IRS1: variants seen among roughly 807,000 people sequenced by gnomAD.
The protein encoded by IRS1 is insulin receptor substrate 1.
A neutral mutation model predicts 65.6 loss-of-function variants in IRS1; 34 were observed. The observed-to-expected ratio is 0.52, with a 90% CI of 0.39 to 0.69. The LOEUF (loss-of-function observed/expected upper bound fraction) is 0.69, where lower values mean the gene tolerates loss of function less well. Ranked by LOEUF, IRS1 falls within the 30% of genes least tolerant of loss-of-function variation. The pLI is 0.00. For synonymous variants in IRS1, 699 were observed against 683.5 expected (o/e 1.02, Z -0.35); for missense variants, 1,641 against 1,720.2 (o/e 0.95, Z 0.81).
At chr2:226,738,725 A>G (rs1238003300) in intron 1 of IRS1, among the ~76,000 whole-genome samples, 4 of 152,354 alleles carry the variant, frequency 2.6e-5, no homozygotes, top group East Asian at 3.9e-4. Flanking sequence ...TCCTGAATGC[A>G]TATAGGAATG....
At chr2:226,745,089 T>C (rs1938512839) in intron 1 of IRS1, among the ~76,000 whole-genome samples, 2 of 152,230 alleles carry the variant, frequency 1.3e-5, no homozygotes, top group African/African-American at 2.4e-5. Flanking sequence ...ATATCTGTTA[T>C]GGAAATGCAA....
At chr2:226,741,119 T>A (rs1251328380) in intron 1 of IRS1, among the ~76,000 whole-genome samples, 2 of 152,228 alleles carry the variant, frequency 1.3e-5, no homozygotes, top group Non-Finnish European at 2.9e-5. Flanking sequence ...CAGCTGTGGT[T>A]GTAATTTCAC....
In IRS1 at chr2:226,784,568, G is replaced by A. The variant is rs544067390; in HGVS notation, c.*21+10421C>T. 2.2e-4 allele frequency among the ~76,000 whole-genome samples: 34 copies of A among 152,008 alleles called. No homozygotes were observed. In the East Asian group the frequency reaches 4.5e-3, roughly 20 times the overall value. On this transcript the variant is annotated intron_variant, in intron 1 of 1. Coordinates refer to ENST00000305123, the MANE Select transcript of IRS1 (RefSeq NM_005544.3). ...CTCCCGAGTAGCTGGGATTACAGGCGCCTGCCACCACGTGCAGCTAATTTT... is the reference window on the plus strand; with the variant it reads ...CTCCCGAGTAGCTGGGATTACAGGCACCTGCCACCACGTGCAGCTAATTTT...
chr2:226,793,306 A>G (rs997310613), intron 1 of IRS1, among the ~76,000 whole-genome samples: 6 of 152,182 alleles, frequency 3.9e-5, no homozygotes, highest in African/African-American at 1.4e-4. Flanking sequence ...TTTTCTTCAA[A>G]TTCTCATTAT....
At chr2:226,767,169 A>G (rs1574651387) in intron 1 of IRS1, among the ~76,000 whole-genome samples, 1 of 152,220 alleles carries the variant, frequency 6.6e-6, no homozygotes, top group Non-Finnish European at 1.5e-5. Context: ...AGGAAGATTA[A>G]AGGATTAAAA....
rs1939782112 is a variant in IRS1 at position 226,797,971 on chromosome 2, G to A, written c.768C>T (p.Ala256=). ...AQNMHETILE[A]MRAMSDEFRP... ...GGAACTCATCACTCATGGCCCGCAT[G>A]GCCTCCAGGATGGTCTCGTGCATGT... The change falls in exon 1 of 2, where the codon GCC becomes GCT. Residue 256 remains alanine (A), a synonymous_variant. Transcript: ENST00000305123. The surrounding 1 kb of genome is among the most constrained non-coding windows in gnomAD (Gnocchi z 8.1). The A allele has an allele frequency of 1.2e-6, 2 of 1,613,980 alleles. No individual in the cohort carries two copies. Among genetic ancestry groups the A allele is most frequent in the South Asian group, 2.2e-5 (2 of 91,076 alleles).
chr2:226,779,027 ATTCAAGAAC>A (rs1475081849), intron 1 of IRS1, among the ~76,000 whole-genome samples: 1 of 152,208 alleles, frequency 6.6e-6, no homozygotes, highest in Non-Finnish European at 1.5e-5. Flanking sequence ...CACAGTTGTA[ATTCAAGAAC>A]TTAGGAGTAT....
chr2:226,793,889 A>G (rs1559158213), intron 1 of IRS1, among the ~76,000 whole-genome samples: 1 of 152,196 alleles, frequency 6.6e-6, no homozygotes, highest in African/African-American at 2.4e-5. Flanking sequence ...CTAATTTCCT[A>G]TTACAAATGT....
At chr2:226,758,366 T>C (rs1228664902) in intron 1 of IRS1, among the ~76,000 whole-genome samples, 1 of 152,164 alleles carries the variant, frequency 6.6e-6, no homozygotes, top group Non-Finnish European at 1.5e-5. Flanking sequence ...AAACACGTGA[T>C]GAGTAAGTCT....
intron 1 of IRS1, among the ~76,000 whole-genome samples, chr2:226,789,910 A>G (rs1277613498): frequency 6.6e-6 from 1 of 152,186 alleles, no homozygotes; most frequent in Non-Finnish European, 1.5e-5. Flanking sequence ...TGAAGCAAGA[A>G]AAGTTAATGT....
At chr2:226,763,383 T>C (rs1187389750) in intron 1 of IRS1, among the ~76,000 whole-genome samples, 1 of 152,214 alleles carries the variant, frequency 6.6e-6, no homozygotes, top group Non-Finnish European at 1.5e-5. Context: ...GGAAGACTAC[T>C]GTCCACATTT....
Position 226,795,336 on chromosome 2 carries a change from T to C in IRS1, c.3403A>G (p.Ser1135Gly), listed in dbSNP as rs1169352941. ...GAGCTGTGGCGTTTCACATCCTCGC[T>C]GCTGCTGCTGCTACCGCCACCGCCC... ...VGGGGGSSSS[S>G]EDVKRHSSAS... The change falls in exon 1 of 2, where the codon AGC becomes GGC. Residue 1135 changes from serine to glycine, a missense_variant. Transcript: ENST00000305123. 1 of 1,611,832 alleles carries C rather than the reference T, an allele frequency of 6.2e-7. No homozygotes were observed. The highest frequency in any genetic ancestry group is 8.5e-7 in the Non-Finnish European group (1 of 1,179,246).
intron 1 of IRS1, among the ~76,000 whole-genome samples, chr2:226,789,972 G>C (rs956134255): frequency 6.6e-6 from 1 of 152,168 alleles, no homozygotes; most frequent in African/African-American, 2.4e-5. Flanking sequence ...TGTCCATAAA[G>C]AATGTCTGAT....
rs1574666152 is a variant in IRS1, at chr2:226,797,281, A to G, written c.1458T>C (p.Ser486=). 1 of 1,613,498 alleles carries G rather than the reference A, an allele frequency of 6.2e-7. No homozygotes were observed. Among genetic ancestry groups the G allele is most frequent in the Non-Finnish European group, 8.5e-7 (1 of 1,179,972 alleles). The stretch of plus-strand genomic sequence containing the variant: ...TGCAGCGGTGGCCATTGCCACCCCG[A>G]GACAAAATGTAGTGACCGTTGGGGG... The part of the protein sequence containing the change: ...LTAPNGHYIL[S]RGGNGHRCTP... The change falls in exon 1 of 2, where the codon TCT becomes TCC. Residue 486 remains serine (S), a synonymous_variant. Transcript: ENST00000305123. This position sits in a 1 kb window ranked among gnomAD's most constrained non-coding sequence, Gnocchi z 8.1.
At chr2:226,759,941 G>A (rs1450222682) in intron 1 of IRS1, among the ~76,000 whole-genome samples, 4 of 152,180 alleles carry the variant, frequency 2.6e-5, no homozygotes, top group Non-Finnish European at 5.9e-5. Flanking sequence ...TTGGGAGTGC[G>A]AGGCAGGCAG....
At position 226,794,200 on chromosome 2, in the gene IRS1, T is replaced by TC. The variant is rs1413611753; in HGVS notation, c.*21+788dup. Among the ~76,000 whole-genome samples, 1 of 152,188 alleles carries TC rather than the reference T, an allele frequency of 6.6e-6. No individual in the cohort carries two copies. The highest frequency in any genetic ancestry group is 1.9e-4 in the East Asian group (1 of 5,200). ...ATAAGGCAGACATCCTAGGATGAACTCCCATAACTCTTAATAATGGGTCCC... is the reference window on the plus strand; with the variant it reads ...ATAAGGCAGACATCCTAGGATGAACTCCCCATAACTCTTAATAATGGGTCCC... On this transcript the variant is annotated intron_variant, in intron 1 of 1. Coordinates refer to ENST00000305123, the MANE Select transcript of IRS1 (RefSeq NM_005544.3). This position sits in a 1 kb window ranked among gnomAD's most constrained non-coding sequence, Gnocchi z 4.1.
intron 1 of IRS1, among the ~76,000 whole-genome samples, chr2:226,765,627 A>G (rs1291514373): frequency 6.6e-6 from 1 of 152,084 alleles, no homozygotes; most frequent in East Asian, 1.9e-4. Flanking sequence ...CCACCTGCCT[A>G]CTCAACAGCT....
intron 1 of IRS1, among the ~76,000 whole-genome samples, chr2:226,757,758 T>C (rs1172954517): frequency 6.6e-6 from 1 of 152,224 alleles, no homozygotes; most frequent in African/African-American, 2.4e-5. Context: ...TGAGAAATAC[T>C]GCATTAAAAT....
intron 1 of IRS1, among the ~76,000 whole-genome samples, chr2:226,783,215 T>C (rs1194982980): frequency 6.6e-6 from 1 of 152,196 alleles, no homozygotes; most frequent in Non-Finnish European, 1.5e-5. Context: ...GATCTAACTC[T>C]TAAAAAGATG....
Sources: allele counts gnomAD v4.1 joint callset (sites outside exome capture counted in the v4.1 genomes callset), GRCh38; gene constraint gnomAD v4.1.1; non-coding constraint Gnocchi (gnomAD v3.1); transcripts MANE v1.5; gene names NCBI Gene and HGNC (gene_info 2026-07-23, HGNC 2026-07-21).